RBFOX1: variants seen among roughly 807,000 people sequenced by gnomAD.
RBFOX1 encodes RNA binding fox-1 homolog 1, also known as RNA binding protein fox-1 homolog 1.
A neutral mutation model predicts 57.7 loss-of-function variants in RBFOX1; 8 were observed. The observed-to-expected ratio is 0.14, with a 90% confidence interval of 0.08 to 0.25. The LOEUF (loss-of-function observed/expected upper bound fraction) is 0.25. Ranked by LOEUF, RBFOX1 falls within the 10% of genes least tolerant of loss-of-function variation. The pLI, the probability that RBFOX1 is intolerant of heterozygous loss-of-function variation, is 1.00. For missense variants in RBFOX1, 611 were observed against 548.5 expected, an observed-to-expected ratio of 1.11 and a Z score of -1.14; for synonymous variants, 326 against 222.4, an observed-to-expected ratio of 1.47 and a Z score of -4.15.
chr16:5,873,372 A>G (rs1283141233), intron 4 of RBFOX1, among the ~76,000 whole-genome samples: 1 of 152,190 alleles, frequency 6.6e-6, no homozygotes, highest in Non-Finnish European at 1.5e-5. Flanking sequence ...CCACTTGAAG[A>G]TCAGCAGTAC....
chr16:6,797,962 T>A (rs1251527752), intron 3 of RBFOX1, among the ~76,000 whole-genome samples: 1 of 152,064 alleles, frequency 6.6e-6, no homozygotes, highest in African/African-American at 2.4e-5. Flanking sequence ...ATGATGGTGA[T>A]CACGGTGATG....
intron 3 of RBFOX1, among the ~76,000 whole-genome samples, chr16:5,701,966 C>G (rs1164294663): frequency 1.3e-5 from 2 of 152,202 alleles, no homozygotes; most frequent in African/African-American, 2.4e-5. Flanking sequence ...TTGTTTCCTT[C>G]TGTTCTTTCA....
chr16:6,879,589 A>G (rs2062511329), intron 3 of RBFOX1, among the ~76,000 whole-genome samples: 1 of 152,224 alleles, frequency 6.6e-6, no homozygotes, highest in Admixed American at 6.5e-5. Context: ...TCATTTTTAA[A>G]GCCAGTATCA....
chr16:7,608,484 A>G (rs1228102207), intron 10 of RBFOX1, among the ~76,000 whole-genome samples: 2 of 152,200 alleles, frequency 1.3e-5, no homozygotes, highest in African/African-American at 4.8e-5. Flanking sequence ...CAGGGATTCT[A>G]ACACTGCAAA....
At chr16:6,109,496 C>A (rs537469081) in intron 1 of RBFOX1, among the ~76,000 whole-genome samples, 1 of 152,078 alleles carries the variant, frequency 6.6e-6, no homozygotes, top group African/African-American at 2.4e-5. Context: ...TATAGTTAGT[C>A]GATGATATAT....
intron 4 of RBFOX1, among the ~76,000 whole-genome samples, chr16:7,287,047 G>C (rs1232079393): frequency 1.3e-5 from 2 of 152,160 alleles, no homozygotes; most frequent in African/African-American, 2.4e-5. Context: ...GGAGTGTGAG[G>C]ATGTGTGGCA....
chr16:7,650,427 A>G (rs1032183876), intron 11 of RBFOX1, among the ~76,000 whole-genome samples: 14 of 152,034 alleles, frequency 9.2e-5, no homozygotes, highest in East Asian at 3.9e-4. Flanking sequence ...AAGTCCCCCA[A>G]TGTGCCCTGC....
chr16:6,018,905 C>T (rs942682151), upstream of RBFOX1, among the ~76,000 whole-genome samples: 1 of 151,922 alleles, frequency 6.6e-6, no homozygotes, highest in African/African-American at 2.4e-5. Context: ...GGCCAGGAGA[C>T]CAGGGTACCG....
intron 2 of RBFOX1, chr16:6,577,349 G>A (rs2097455565): frequency 6.6e-6 from 1 of 152,120 alleles, no homozygotes. Flanking sequence ...TTAGATTTTG[G>A]AGCAATAATG....
At chr16:6,940,507 T>A (rs918319341) in intron 3 of RBFOX1, among the ~76,000 whole-genome samples, 18 of 152,340 alleles carry the variant, frequency 1.2e-4, no homozygotes, top group Non-Finnish European at 2.4e-4. Context: ...AAGGGAAGAA[T>A]AATTCTCTAT....
intron 4 of RBFOX1, among the ~76,000 whole-genome samples, chr16:7,107,173 G>C (rs2063767722): frequency 6.6e-6 from 1 of 152,170 alleles, no homozygotes; most frequent in African/African-American, 2.4e-5. Flanking sequence ...AAAGTGCAAA[G>C]CCATCGAGGC....
intron 3 of RBFOX1, among the ~76,000 whole-genome samples, chr16:6,822,583 C>G (rs1050221490): frequency 6.6e-6 from 1 of 152,238 alleles, no homozygotes; most frequent in Non-Finnish European, 1.5e-5. Flanking sequence ...GCCGTGCTTG[C>G]ATTTTATTTC....
chr16:7,463,353 A>G (rs899952125), intron 4 of RBFOX1, among the ~76,000 whole-genome samples: 8 of 152,076 alleles, frequency 5.3e-5, no homozygotes, highest in African/African-American at 1.9e-4. Flanking sequence ...AAAATACAAA[A>G]ATTAGCTGGG....
At chr16:6,717,229 C>A (rs983064160) in intron 3 of RBFOX1, among the ~76,000 whole-genome samples, 1 of 151,272 alleles carries the variant, frequency 6.6e-6, no homozygotes, top group East Asian at 1.9e-4. Flanking sequence ...GAATGCAAAG[C>A]AAACTGTTAA....
intron 2 of RBFOX1, among the ~76,000 whole-genome samples, chr16:6,457,300 G>T (rs990103357): frequency 2.6e-5 from 4 of 152,072 alleles, no homozygotes; most frequent in Admixed American, 2.0e-4. Flanking sequence ...TGATGGAGTG[G>T]CCATAGGGTC....
At chr16:6,938,147 A>C (rs1372569441) in intron 3 of RBFOX1, among the ~76,000 whole-genome samples, 3 of 152,180 alleles carry the variant, frequency 2.0e-5, no homozygotes, top group Non-Finnish European at 4.4e-5. Flanking sequence ...GAACTATTCA[A>C]GTTCATTGTT....
intron 4 of RBFOX1, among the ~76,000 whole-genome samples, chr16:7,496,343 AT>A (rs1218737213): frequency 1.3e-5 from 2 of 152,144 alleles, no homozygotes; most frequent in African/African-American, 4.8e-5. Flanking sequence ...GGGTTTCATC[AT>A]GTTGACCAGG....
intron 2 of RBFOX1, among the ~76,000 whole-genome samples, chr16:6,624,964 A>T (rs2098282425): frequency 6.6e-6 from 1 of 151,980 alleles, no homozygotes; most frequent in South Asian, 2.1e-4. Flanking sequence ...CAGGAGTTTG[A>T]GACCAGCCTG....
At chr16:5,924,579 A>T (rs887257685) in intron 4 of RBFOX1, among the ~76,000 whole-genome samples, 1 of 151,964 alleles carries the variant, frequency 6.6e-6, no homozygotes, top group African/African-American at 2.4e-5. Flanking sequence ...TTCATTTTCC[A>T]CCATAAGTAG....
Sources: allele counts gnomAD v4.1 joint callset (sites outside exome capture counted in the v4.1 genomes callset), GRCh38; gene constraint gnomAD v4.1.1; transcripts MANE v1.5; gene names NCBI Gene and HGNC (gene_info 2026-07-23, HGNC 2026-07-21).